The following PARD3B variants were observed in gnomAD, a reference collection of about 807,000 sequenced individuals.
The protein encoded by PARD3B is partitioning defective 3 homolog B.
In PARD3B, 103 loss-of-function variants were observed where a neutral mutation model predicts 130.2. The ratio of observed to expected loss-of-function variants is 0.79; its 90% CI spans 0.67 to 0.93. The LOEUF (loss-of-function observed/expected upper bound fraction) is 0.93, where lower values mean the gene tolerates loss of function less well. Among genes scored for constraint, PARD3B ranks in the 40% least tolerant of loss-of-function variants. The pLI is 0.00. For missense variants in PARD3B, 1,609 were observed against 1,499.2 expected, an observed-to-expected ratio of 1.07 and a Z score of -1.21; for synonymous variants, 583 against 553.2, an observed-to-expected ratio of 1.05 and a Z score of -0.76.
chr2:205,255,489 G>A (rs888450438), intron 16 of PARD3B, among the ~76,000 whole-genome samples: 2 of 151,960 alleles, frequency 1.3e-5, no homozygotes, highest in African/African-American at 2.4e-5. Flanking sequence ...CTATCTACCT[G>A]GCGATAGAGT....
At chr2:204,546,403 G>A (rs1476346995) in intron 1 of PARD3B, among the ~76,000 whole-genome samples, 2 of 152,152 alleles carry the variant, frequency 1.3e-5, no homozygotes, top group Non-Finnish European at 2.9e-5. Flanking sequence ...CTCAGGATCT[G>A]CTCTTTAACG....
chr2:204,783,673 A>G (rs2041915988), intron 2 of PARD3B, among the ~76,000 whole-genome samples: 1 of 152,138 alleles, frequency 6.6e-6, no homozygotes, highest in Non-Finnish European at 1.5e-5. Flanking sequence ...TTTAGGGACA[A>G]CCTACTTTAC....
chr2:204,666,178 A>G (rs557022551), intron 1 of PARD3B, among the ~76,000 whole-genome samples: 32 of 152,328 alleles, frequency 2.1e-4, no homozygotes, highest in African/African-American at 7.5e-4. Flanking sequence ...CTCTTGAGAA[A>G]GAAACAAATA....
At chr2:204,757,724 G>C (rs1024830363) in intron 2 of PARD3B, among the ~76,000 whole-genome samples, 5 of 152,086 alleles carry the variant, frequency 3.3e-5, no homozygotes, top group Non-Finnish European at 7.4e-5. Context: ...TTAAAATTCA[G>C]ATGACTTTTT....
intron 1 of PARD3B, among the ~76,000 whole-genome samples, chr2:204,567,480 C>G (rs1351201373): frequency 6.6e-6 from 1 of 152,182 alleles, no homozygotes; most frequent in Non-Finnish European, 1.5e-5. Context: ...CCTTTTGTGA[C>G]TTTATTATTT....
intron 16 of PARD3B, among the ~76,000 whole-genome samples, chr2:205,259,461 A>G (rs866403026): frequency 6.6e-6 from 1 of 152,062 alleles, no homozygotes; most frequent in African/African-American, 2.4e-5. Flanking sequence ...TTTACCTTTG[A>G]TAAGTCTTTT....
At chr2:205,603,588 C>T (rs1026897661) in intron 22 of PARD3B, among the ~76,000 whole-genome samples, 9 of 152,136 alleles carry the variant, frequency 5.9e-5, no homozygotes, top group African/African-American at 1.9e-4. Flanking sequence ...TGAATCGATC[C>T]CTTTACCATT....
chr2:205,553,345 G>A lies in PARD3B; in HGVS notation c.3202G>A (p.Gly1068Arg). The change falls in exon 22 of 23, where the codon GGG becomes AGG. Residue 1068 changes from glycine (G) to arginine (R), a missense_variant. Gly to Arg is a moderately radical substitution (Grantham distance 125, BLOSUM62 -2). Coordinates refer to ENST00000406610, the MANE Select transcript of PARD3B (RefSeq NM_001302769.2). The part of the protein sequence containing the change: ...LLWVPGRGPD[G>R]NAHNLRFEGM... Reference sequence around the variant, plus strand: ...ACAGGTGCCTGGAAGGGGTCCAGATGGGAATGCACACAACCTCCGCTTTGA... The same window carrying A: ...ACAGGTGCCTGGAAGGGGTCCAGATAGGAATGCACACAACCTCCGCTTTGA... 1.9e-6 allele frequency: 3 copies of A among 1,613,990 alleles called. No individual in the cohort carries two copies. The highest frequency in any genetic ancestry group is 1.3e-5 in the African/African-American group (1 of 75,018).
At position 205,470,137 on chromosome 2, in the gene PARD3B, AT is replaced by A. The variant is rs557444133; in HGVS notation, c.3044+29473del. The stretch of plus-strand genomic sequence containing the variant: ...CAGGGTGGAACTAAGTGATCTCAGC[AT>A]TTTTTTTCCAGTTCCAAAATTATAT... On this transcript the variant is annotated intron_variant, in intron 20 of 22. Coordinates refer to ENST00000406610, the MANE Select transcript of PARD3B (RefSeq NM_001302769.2). The surrounding 1 kb of genome is among the most constrained non-coding windows in gnomAD (Gnocchi z 4.8). Among the ~76,000 whole-genome samples the A allele has an allele frequency of 2.2e-4, 33 of 152,088 alleles. No individual in the cohort carries two copies. In the South Asian group the frequency reaches 6.2e-3, roughly 29 times the overall value.
intron 2 of PARD3B, among the ~76,000 whole-genome samples, chr2:204,898,757 C>T (rs13031723): frequency 0.17 from 26,188 of 152,132 alleles, 2,642 homozygotes; most frequent in East Asian, 0.25. Context: ...GGGGCTCTCT[C>T]TCTCTTTGTA....
intron 1 of PARD3B, among the ~76,000 whole-genome samples, chr2:204,601,462 T>A (rs1324940377): frequency 6.6e-6 from 1 of 152,030 alleles, no homozygotes; most frequent in East Asian, 1.9e-4. Flanking sequence ...CTTATTAGAA[T>A]TCCTCATCAA....
intron 1 of PARD3B, among the ~76,000 whole-genome samples, chr2:204,657,098 C>T (rs975622002): frequency 6.6e-6 from 1 of 152,216 alleles, no homozygotes; most frequent in Non-Finnish European, 1.5e-5. Context: ...CTGTTTGATG[C>T]ACAGATTCCA....
At chr2:205,203,873 T>C (rs1371266571) in intron 15 of PARD3B, among the ~76,000 whole-genome samples, 2 of 152,202 alleles carry the variant, frequency 1.3e-5, no homozygotes, top group African/African-American at 4.8e-5. Context: ...TTGGATTGGT[T>C]CCAAGTCTTT....
Position 204,623,889 on chromosome 2 carries a change from A to G in PARD3B, c.121-62292A>G, listed in dbSNP as rs2034391593. On this transcript the variant is annotated intron_variant, in intron 1 of 22. Transcript: ENST00000406610. This position sits in a 1 kb window ranked among gnomAD's most constrained non-coding sequence, Gnocchi z 4.5. ...TTGAGTACTTTATGTACCTTGTGTA[A>G]GTAGAATCTTGCAGCATTTGTCCTC... Among the ~76,000 whole-genome samples, 2 of 152,152 alleles carry G rather than the reference A, an allele frequency of 1.3e-5. No individual in the cohort carries two copies. Among genetic ancestry groups the G allele is most frequent in the Non-Finnish European group, 2.9e-5 (2 of 68,020 alleles).
At chr2:204,788,147 G>A (rs966935547) in intron 2 of PARD3B, among the ~76,000 whole-genome samples, 7 of 152,234 alleles carry the variant, frequency 4.6e-5, no homozygotes, top group Non-Finnish European at 1.0e-4. Context: ...TTTACTGGAT[G>A]TACTGGGACA....
intron 16 of PARD3B, among the ~76,000 whole-genome samples, chr2:205,290,634 G>C (rs913825501): frequency 1.3e-5 from 2 of 152,152 alleles, no homozygotes; most frequent in Non-Finnish European, 2.9e-5. Flanking sequence ...GTTTCAAAGA[G>C]ATAGCCATTT....
chr2:204,725,895 G>A (rs2039203390), intron 2 of PARD3B, among the ~76,000 whole-genome samples: 1 of 152,326 alleles, frequency 6.6e-6, no homozygotes, highest in African/African-American at 2.4e-5. Flanking sequence ...CATCTGGGAA[G>A]TGACAGTAGC....
intron 16 of PARD3B, among the ~76,000 whole-genome samples, chr2:205,272,025 G>T (rs533552096): frequency 7.9e-5 from 12 of 152,186 alleles, no homozygotes; most frequent in African/African-American, 2.4e-4. Context: ...AGGCATGGTA[G>T]TGCACACCTG....
intron 2 of PARD3B, among the ~76,000 whole-genome samples, chr2:204,815,658 A>G (rs2043118872): frequency 6.6e-6 from 1 of 152,032 alleles, no homozygotes; most frequent in Non-Finnish European, 1.5e-5. Context: ...ATTCTGTGCT[A>G]TTAGTTTCCT....
Sources: allele counts gnomAD v4.1 joint callset (sites outside exome capture counted in the v4.1 genomes callset), GRCh38; gene constraint gnomAD v4.1.1; non-coding constraint Gnocchi (gnomAD v3.1); transcripts MANE v1.5; gene names NCBI Gene and HGNC (gene_info 2026-07-23, HGNC 2026-07-21).